GALNTL6: variants seen among roughly 807,000 people sequenced by gnomAD.
GALNTL6 encodes polypeptide N-acetylgalactosaminyltransferase like 6.
GALNTL6 carries 46 observed loss-of-function variants against 73.7 expected under a neutral mutation model. That is an observed-to-expected ratio of 0.62 (90% confidence interval 0.49 to 0.80). GALNTL6 has a LOEUF of 0.80. Ranked by LOEUF, GALNTL6 falls within the 30% of genes least tolerant of loss-of-function variation. The pLI is 0.00. For missense variants in GALNTL6, 604 were observed against 755.0 expected (o/e 0.80, Z 2.34); for synonymous variants, 259 against 263.7 (o/e 0.98, Z 0.17).
At chr4:172,605,994 C>T (rs1163454965) in intron 5 of GALNTL6, among the ~76,000 whole-genome samples, 3 of 135,920 alleles carry the variant, frequency 2.2e-5, no homozygotes, top group Non-Finnish European at 3.3e-5. Flanking sequence ...CCACCCCATT[C>T]TCCCAGTGTG....
chr4:172,057,757 T>TATATATATATAA (rs1491338494), intron 2 of GALNTL6, among the ~76,000 whole-genome samples: 2 of 132,146 alleles, frequency 1.5e-5, no homozygotes, highest in Non-Finnish European at 3.2e-5. Context: ...TATATATATA[T>TATATATATATAA]AAATCAAGTT....
intron 5 of GALNTL6, among the ~76,000 whole-genome samples, chr4:172,720,481 CT>C: frequency 6.6e-6 from 1 of 152,292 alleles, no homozygotes; most frequent in East Asian, 1.9e-4. Context: ...AGGTTCCCCC[CT>C]CCCACCTGGT....
At chr4:172,186,063 A>G (rs1233593745) in intron 2 of GALNTL6, among the ~76,000 whole-genome samples, 3 of 152,148 alleles carry the variant, frequency 2.0e-5, no homozygotes, top group Non-Finnish European at 2.9e-5. Flanking sequence ...GTGAAAGCCT[A>G]TTAGAGAATT....
At chr4:171,843,706 T>A (rs1481024545) in intron 2 of GALNTL6, among the ~76,000 whole-genome samples, 1 of 152,098 alleles carries the variant, frequency 6.6e-6, no homozygotes, top group East Asian at 1.9e-4. Context: ...AGATTTTGGA[T>A]GAAGATGTTG....
At chr4:172,846,269 A>G (rs925074242) in intron 7 of GALNTL6, among the ~76,000 whole-genome samples, 8 of 152,198 alleles carry the variant, frequency 5.3e-5, no homozygotes. Context: ...AAAGCTTAAA[A>G]CTTTAGGAGG....
intron 2 of GALNTL6, among the ~76,000 whole-genome samples, chr4:171,998,139 C>T (rs1479258013): frequency 6.6e-6 from 1 of 152,060 alleles, no homozygotes; most frequent in Non-Finnish European, 1.5e-5. Flanking sequence ...ATGAGCAATG[C>T]TAAGTTTTAG....
intron 5 of GALNTL6, among the ~76,000 whole-genome samples, chr4:172,542,054 CAGG>C (rs1003383196): frequency 1.3e-5 from 2 of 151,548 alleles, no homozygotes; most frequent in African/African-American, 4.9e-5. Context: ...CATGGACACA[CAGG>C]AGGAGTTTAG....
chr4:172,564,842 A>G (rs1308777793), intron 5 of GALNTL6, among the ~76,000 whole-genome samples: 2 of 152,260 alleles, frequency 1.3e-5, no homozygotes, highest in Non-Finnish European at 2.9e-5. Context: ...ACGAGTTTCA[A>G]GGCACTCTTT....
At chr4:171,919,339 A>T (rs1737715832) in intron 2 of GALNTL6, among the ~76,000 whole-genome samples, 1 of 152,048 alleles carries the variant, frequency 6.6e-6, no homozygotes, top group Non-Finnish European at 1.5e-5. Context: ...TAGTTCCTTC[A>T]GAGATTTCAG....
chr4:171,823,161 G>A (rs1239206318), intron 2 of GALNTL6, among the ~76,000 whole-genome samples: 3 of 152,064 alleles, frequency 2.0e-5, no homozygotes, highest in Non-Finnish European at 4.4e-5. Flanking sequence ...ACACACAATT[G>A]TAGAAATTTA....
intron 5 of GALNTL6, among the ~76,000 whole-genome samples, chr4:172,552,080 A>G (rs1160268043): frequency 6.6e-6 from 1 of 152,118 alleles, no homozygotes; most frequent in Non-Finnish European, 1.5e-5. Flanking sequence ...CCCAGAATAA[A>G]TTTTACTAAT....
At chr4:172,377,160 T>C (rs1158101052) in intron 5 of GALNTL6, among the ~76,000 whole-genome samples, 2 of 152,164 alleles carry the variant, frequency 1.3e-5, no homozygotes. Flanking sequence ...TACGGAGAGC[T>C]GATTGGTCCA....
In GALNTL6 at chr4:171,824,991, C is replaced by T. The variant is rs1007996762; in HGVS notation, c.138+10273C>T. The stretch of plus-strand genomic sequence containing the variant: ...TCTTCCCAGAATATGCAATGAACAA[C>T]GAATGCTATTTTGATGACCTTTCCC... On this transcript the variant is annotated intron_variant, in intron 2 of 12. Coordinates refer to ENST00000506823, the MANE Select transcript of GALNTL6 (RefSeq NM_001034845.3). 4.6e-5 allele frequency among the ~76,000 whole-genome samples: 7 copies of T among 152,080 alleles called. No individual in the cohort carries two copies. The South Asian group carries it at 6.2e-4, about 13-fold the overall frequency.
In GALNTL6 at chr4:172,702,975, T is replaced by C. The variant is rs561320409; in HGVS notation, c.554-106386T>C. Among the ~76,000 whole-genome samples the C allele has an allele frequency of 1.1e-4, 16 of 152,134 alleles. No homozygotes were observed. The South Asian group carries it at 3.1e-3, about 30-fold the overall frequency. On this transcript the variant is annotated intron_variant, in intron 5 of 12. Transcript: ENST00000506823. ...TCTAGTTATTTTTATGTATAGTTTT[T>C]TTGGTTGTTTTATGTATACAACCAA...
At chr4:172,852,518 A>G (rs1743885439) in intron 7 of GALNTL6, among the ~76,000 whole-genome samples, 1 of 152,132 alleles carries the variant, frequency 6.6e-6, no homozygotes, top group Non-Finnish European at 1.5e-5. Flanking sequence ...ATAACTCTAC[A>G]CTGTGAAAGG....
intron 5 of GALNTL6, among the ~76,000 whole-genome samples, chr4:172,735,257 C>T (rs746337975): frequency 1.2e-4 from 19 of 152,280 alleles, no homozygotes; most frequent in African/African-American, 4.3e-4. Flanking sequence ...TGCTAAAGAC[C>T]GTAAAAACCC....
intron 8 of GALNTL6, among the ~76,000 whole-genome samples, chr4:172,890,139 C>G (rs1346493404): frequency 6.6e-6 from 1 of 152,054 alleles, no homozygotes; most frequent in Non-Finnish European, 1.5e-5. Context: ...TGGATCTTCT[C>G]TCTTTTTTTC....
chr4:172,038,367 C>T lies in GALNTL6; in HGVS notation c.139-191289C>T, dbSNP rs565458776. 5.7e-4 allele frequency among the ~76,000 whole-genome samples: 87 copies of T among 152,132 alleles called. No individual in the cohort carries two copies. The South Asian group carries it at 0.016, about 28-fold the overall frequency. On this transcript the variant is annotated intron_variant, in intron 2 of 12. Coordinates refer to ENST00000506823, the MANE Select transcript of GALNTL6 (RefSeq NM_001034845.3). ...TTTAAATAGATTGTCTTTTCTTCAA[C>T]GCAAGGCCAATTTGCTAAAGAGAGT...
chr4:172,334,592 C>T (rs1741243525), intron 4 of GALNTL6, among the ~76,000 whole-genome samples: 1 of 152,090 alleles, frequency 6.6e-6, no homozygotes, highest in Non-Finnish European at 1.5e-5. Context: ...TGAAACTTTA[C>T]TGAAGTCGCT....
Sources: gnomAD v4.1 joint callset for allele counts (sites outside exome capture counted in the v4.1 genomes callset) on GRCh38, gnomAD v4.1.1 for gene constraint, MANE v1.5 for transcripts, NCBI Gene and HGNC (gene_info 2026-07-23, HGNC 2026-07-21) for gene names.